NUDCD2: variants seen among roughly 807,000 people sequenced by gnomAD.
The protein encoded by NUDCD2 is nudC domain-containing protein 2.
In NUDCD2, 16 loss-of-function variants were observed where a neutral mutation model predicts 20.8. That is an observed-to-expected ratio of 0.77 (90% CI 0.52 to 1.17). NUDCD2 has a LOEUF of 1.17. Ranked by LOEUF, NUDCD2 falls within the 50% of genes most tolerant of loss-of-function variation. NUDCD2 has a pLI of 0.00. For missense variants in NUDCD2, 199 were observed against 193.9 expected (o/e 1.03, Z -0.16); for synonymous variants, 87 against 72.8 (o/e 1.20, Z -1.00).
At position 163,453,998 on chromosome 5, in the gene NUDCD2, C is replaced by A; in HGVS notation, c.443G>T (p.Gly148Val). ...CTCAAGGTTTGAGAAATCTGGTCCACCTTTAGTGTAGTTTCCTGAGATTTC... is the reference window on the plus strand; with the variant it reads ...CTCAAGGTTTGAGAAATCTGGTCCAACTTTAGTGTAGTTTCCTGAGATTTC... ...GAEISGNYTK[G>V]GPDFSNLEK Residue 148 changes from glycine to valine, a missense_variant, in exon 4 of 4, where the codon GGT becomes GTT. By Grantham distance (109) the Gly-to-Val change is moderately radical. Transcript: ENST00000302764. 6.4e-7 allele frequency: 1 copy of A among 1,559,206 alleles called. No individual in the cohort carries two copies. Among genetic ancestry groups the A allele is most frequent in the Non-Finnish European group, 8.7e-7 (1 of 1,148,918 alleles).
Position 163,447,632 on chromosome 5 carries a change from C to A in NUDCD2, c.*6335G>T, listed in dbSNP as rs1052109132. 1 of 152,086 alleles carries A rather than the reference C, an allele frequency of 6.6e-6. No homozygotes were observed. The highest frequency in any genetic ancestry group is 2.4e-5 in the African/African-American group (1 of 41,418). 9.4% of individuals were successfully genotyped at this position (152,086 alleles called of 1,614,324 possible). A position where few individuals can be genotyped will look rare whatever the true frequency, so the allele number is the denominator to read the frequency against. ...AGCTAGATTTAATTGACATAAAACC[C>A]TTCTACCTAAAACAGCAGAATAAGC... On this transcript the variant is annotated 3_prime_UTR_variant, in exon 4 of 4. Coordinates refer to ENST00000302764, the MANE Select transcript of NUDCD2 (RefSeq NM_145266.6).
At chr5:163,456,135 G>A (rs908826791) in intron 3 of NUDCD2, among the ~76,000 whole-genome samples, 1 of 152,136 alleles carries the variant, frequency 6.6e-6, no homozygotes, top group African/African-American at 2.4e-5. Flanking sequence ...TGTTGAATAG[G>A]CAACCGGGTA....
At position 163,447,596 on chromosome 5, in the gene NUDCD2, T is replaced by C. The variant is rs1758072010; in HGVS notation, c.*6371A>G. The C allele has an allele frequency of 6.6e-6, 1 of 152,138 alleles. No individual in the cohort carries two copies. The highest frequency in any genetic ancestry group is 2.1e-4 in the South Asian group (1 of 4,824). The allele number at this position is 152,138 out of a possible 1,614,324, so 9.4% of individuals were successfully genotyped here. On this transcript the variant is annotated 3_prime_UTR_variant, in exon 4 of 4. Coordinates refer to ENST00000302764, the MANE Select transcript of NUDCD2 (RefSeq NM_145266.6). ...GCAAAGATGTAGGAAAATGGAATAA[T>C]ACTAATAACCAGCTAGATTTAATTG...
rs1315809598 is a variant in NUDCD2 at position 163,458,111 on chromosome 5, T to TA, written c.190-502dup. On this transcript the variant is annotated intron_variant, in intron 1 of 3. Coordinates refer to ENST00000302764, the MANE Select transcript of NUDCD2 (RefSeq NM_145266.6). ...GATTCTCCTGCCTCAACCTCCCAAG[T>TA]AGCTAGGACTACAGGCGCCCGCCAC... Among the ~76,000 whole-genome samples the TA allele has an allele frequency of 1.4e-4, 21 of 145,262 alleles. No homozygotes were observed. In the South Asian group the frequency reaches 2.0e-3, roughly 14 times the overall value.
rs1183852711 is a variant in NUDCD2, at chr5:163,448,698, T to C, written c.*5269A>G. 6.6e-6 allele frequency: 1 copy of C among 152,052 alleles called. No homozygotes were observed. Among genetic ancestry groups the C allele is most frequent in the Admixed American group, 6.6e-5 (1 of 15,258 alleles). The allele number at this position is 152,052 out of a possible 1,614,324, so 9.4% of individuals were successfully genotyped here. A position where few individuals can be genotyped will look rare whatever the true frequency, so the allele number is the denominator to read the frequency against. On this transcript the variant is annotated 3_prime_UTR_variant, in exon 4 of 4. Coordinates refer to ENST00000302764, the MANE Select transcript of NUDCD2 (RefSeq NM_145266.6). ...AAAACAAACAAAAACAATTGCACAA[T>C]ATCCAAAATGAACACAGACATAAAA... is the stretch of plus-strand genomic sequence containing the variant.
chr5:163,453,565 G>A lies in NUDCD2; in HGVS notation c.*402C>T, dbSNP rs1378817738. 1.3e-5 allele frequency: 2 copies of A among 153,036 alleles called. No individual in the cohort carries two copies. Among genetic ancestry groups the A allele is most frequent in the African/African-American group, 4.8e-5 (2 of 41,424 alleles). 9.5% of individuals were successfully genotyped at this position (153,036 alleles called of 1,614,324 possible). A position where few individuals can be genotyped will look rare whatever the true frequency, so the allele number is the denominator to read the frequency against. ...GTGTGAATTGTTATACTTAGACAAA[G>A]GGGTACACAATTCCTATTTAGAAAA... On this transcript the variant is annotated 3_prime_UTR_variant, in exon 4 of 4. Transcript: ENST00000302764.
Position 163,450,732 on chromosome 5 carries a change from T to C in NUDCD2, c.*3235A>G, listed in dbSNP as rs1308167764. ...CTGCTGGTGGGAAAGTAAAAAGATG[T>C]AGCTGCTTTGGGAAACAATGACAGC... On this transcript the variant is annotated 3_prime_UTR_variant, in exon 4 of 4. Transcript: ENST00000302764. 6.6e-6 allele frequency: 1 copy of C among 152,252 alleles called. No individual in the cohort carries two copies. Among genetic ancestry groups the C allele is most frequent in the Non-Finnish European group, 1.5e-5 (1 of 68,044 alleles). The allele number at this position is 152,252 out of a possible 1,614,324, so 9.4% of individuals were successfully genotyped here.
At chr5:163,457,435 G>T in intron 2 of NUDCD2, 127 bp downstream of exon 2, 1 of 650,030 alleles carries the variant, frequency 1.5e-6, no homozygotes, top group South Asian at 2.1e-5. Flanking sequence ...GACATACAAC[G>T]GTTTTCAACA....
intron 1 of NUDCD2, among the ~76,000 whole-genome samples, chr5:163,458,401 C>A (rs1024004767): frequency 1.3e-5 from 2 of 151,974 alleles, no homozygotes; most frequent in Non-Finnish European, 2.9e-5. Context: ...TGTTCACAAA[C>A]TCATGTTTTT....
intron 1 of NUDCD2, chr5:163,458,982 A>C (rs1372376582): frequency 6.6e-6 from 1 of 152,230 alleles, no homozygotes; most frequent in African/African-American, 2.4e-5. Flanking sequence ...TATAGTATGA[A>C]CTTATTACAT....
rs1191232275 is a variant in NUDCD2 at position 163,460,082 on chromosome 5, G to C, written c.-32C>G. ...GTCCCTCCCGGCCGCGGCCGCACCA[G>C]GCGGAGCCGAGCGCACGCGCGGAAT... On this transcript the variant is annotated 5_prime_UTR_variant, in exon 1 of 4. Transcript: ENST00000302764. 1.3e-5 allele frequency: 20 copies of C among 1,511,758 alleles called. No individual in the cohort carries two copies. Among genetic ancestry groups the C allele is most frequent in the Non-Finnish European group, 1.6e-5 (18 of 1,131,202 alleles). The allele number at this position is 1,511,758 out of a possible 1,614,324, so 93.6% of individuals were successfully genotyped here.
chr5:163,455,093 G>A (rs1047502485), intron 3 of NUDCD2, among the ~76,000 whole-genome samples: 3 of 151,980 alleles, frequency 2.0e-5, no homozygotes, highest in East Asian at 1.9e-4. Context: ...TTGGCCCAAG[G>A]GCTGTAGTTT....
At chr5:163,455,620 C>T (rs748246925) in intron 3 of NUDCD2, among the ~76,000 whole-genome samples, 4 of 151,822 alleles carry the variant, frequency 2.6e-5, no homozygotes, top group Non-Finnish European at 5.9e-5. Flanking sequence ...AAAAATTAGC[C>T]GTGCGTGGTG....
In NUDCD2 at chr5:163,457,157, A is replaced by G. The variant is rs2113424979; in HGVS notation, c.239-77T>C. ...TCAAGTTGTTTTTTTTTTTTTTGAGACAGTATCACTCTCACCCAGGCTGGA... is the reference window on the plus strand; with the variant it reads ...TCAAGTTGTTTTTTTTTTTTTTGAGGCAGTATCACTCTCACCCAGGCTGGA... On this transcript the variant is annotated intron_variant, in intron 2 of 3. Transcript: ENST00000302764. 4 of 1,289,788 alleles carry G rather than the reference A, an allele frequency of 3.1e-6. No homozygotes were observed. In the East Asian group the frequency reaches 1.1e-4, roughly 35 times the overall value. The allele number at this position is 1,289,788 out of a possible 1,614,324, so 79.9% of individuals were successfully genotyped here.
chr5:163,454,411 A>G (rs1758250936), intron 3 of NUDCD2, among the ~76,000 whole-genome samples: 1 of 152,100 alleles, frequency 6.6e-6, no homozygotes, highest in Non-Finnish European at 1.5e-5. Context: ...GTGCGACCTC[A>G]GCTCACCATA....
chr5:163,449,963 A>C lies in NUDCD2; in HGVS notation c.*4004T>G, dbSNP rs1758137672. 1 of 152,204 alleles carries C rather than the reference A, an allele frequency of 6.6e-6. No individual in the cohort carries two copies. Among genetic ancestry groups the C allele is most frequent in the African/African-American group, 2.4e-5 (1 of 41,456 alleles). The allele number at this position is 152,204 out of a possible 1,614,324, so 9.4% of individuals were successfully genotyped here. On this transcript the variant is annotated 3_prime_UTR_variant, in exon 4 of 4. Coordinates refer to ENST00000302764, the MANE Select transcript of NUDCD2 (RefSeq NM_145266.6). ...AAATTTATAAAATTTTTAGAAGAAA[A>C]AAATCCATAGGCCGGGCACGGTGGC...
rs755244058 is a variant in NUDCD2, at chr5:163,446,940, G to A, written c.*7027C>T. On this transcript the variant is annotated 3_prime_UTR_variant, in exon 4 of 4. Coordinates refer to ENST00000302764, the MANE Select transcript of NUDCD2 (RefSeq NM_145266.6). ...TGAGGCAGGAGAATTGCTTGAACCT[G>A]TGAGGCAGTGAGACAAGATCACACC... The A allele has an allele frequency of 4.6e-5, 7 of 152,186 alleles. No individual in the cohort carries two copies. Among genetic ancestry groups the A allele is most frequent in the Non-Finnish European group, 1.0e-4 (7 of 68,052 alleles). 9.4% of individuals were successfully genotyped at this position (152,186 alleles called of 1,614,324 possible).
rs558783032 is a variant in NUDCD2, at chr5:163,452,045, C to T, written c.*1922G>A. The T allele has an allele frequency of 2.0e-5, 3 of 151,130 alleles. No individual in the cohort carries two copies. Among genetic ancestry groups the T allele is most frequent in the Non-Finnish European group, 4.4e-5 (3 of 67,880 alleles). 9.4% of individuals were successfully genotyped at this position (151,130 alleles called of 1,614,324 possible). Reference sequence around the variant, plus strand: ...TCCAGTCTGGGCAACAAGAGTGAAACTCCACCTTAAAAAAAAAAAACCCCA... The same window carrying T: ...TCCAGTCTGGGCAACAAGAGTGAAATTCCACCTTAAAAAAAAAAAACCCCA... On this transcript the variant is annotated 3_prime_UTR_variant, in exon 4 of 4. Coordinates refer to ENST00000302764, the MANE Select transcript of NUDCD2 (RefSeq NM_145266.6).
In NUDCD2 at chr5:163,446,606, A is replaced by G. The variant is rs1437188166; in HGVS notation, c.*7361T>C. ...GTCATCATGATCATAGAATAATAACAACACTCAATTTATTTCTCTATACTA... is the reference window on the plus strand; with the variant it reads ...GTCATCATGATCATAGAATAATAACGACACTCAATTTATTTCTCTATACTA... On this transcript the variant is annotated 3_prime_UTR_variant, in exon 4 of 4. Transcript: ENST00000302764. 1.3e-5 allele frequency: 2 copies of G among 152,244 alleles called. No individual in the cohort carries two copies. Among genetic ancestry groups the G allele is most frequent in the African/African-American group, 4.8e-5 (2 of 41,464 alleles). The allele number at this position is 152,244 out of a possible 1,614,324, so 9.4% of individuals were successfully genotyped here. A position where few individuals can be genotyped will look rare whatever the true frequency, so the allele number is the denominator to read the frequency against.
Sources: allele counts gnomAD v4.1 joint callset (sites outside exome capture counted in the v4.1 genomes callset), GRCh38; gene constraint gnomAD v4.1.1; transcripts MANE v1.5; gene names NCBI Gene and HGNC (gene_info 2026-07-23, HGNC 2026-07-21).